The following CDH18 variants were observed in gnomAD, a reference collection of about 807,000 sequenced individuals.
CDH18 encodes the protein cadherin 18, also known as cadherin-18.
A neutral mutation model predicts 67.9 loss-of-function variants in CDH18; 31 were observed. The observed-to-expected ratio is 0.46, with a 90% CI of 0.34 to 0.62. CDH18 has a LOEUF of 0.62. Among genes scored for constraint, CDH18 ranks in the 20% least tolerant of loss-of-function variants. The probability of loss-of-function intolerance (pLI) is 0.01; values close to 1 mark genes in which losing one functional copy is unlikely to be tolerated. For missense variants in CDH18, 890 were observed against 975.5 expected (o/e 0.91, Z 1.17); for synonymous variants, 362 against 347.2 (o/e 1.04, Z -0.48).
At chr5:19,597,586 A>T (rs1024913946) in intron 6 of CDH18, among the ~76,000 whole-genome samples, 1 of 152,134 alleles carries the variant, frequency 6.6e-6, no homozygotes, top group African/African-American at 2.4e-5. Context: ...ATGATTTTAT[A>T]CTTTGATATA....
intron 2 of CDH18, among the ~76,000 whole-genome samples, chr5:20,026,648 T>C (rs1353038228): frequency 6.6e-6 from 1 of 152,136 alleles, no homozygotes; most frequent in Non-Finnish European, 1.5e-5. Flanking sequence ...ACGTGAGCAA[T>C]AAGGTTAACA....
chr5:20,388,679 C>A (rs1316667837), intron 1 of CDH18, among the ~76,000 whole-genome samples: 1 of 152,084 alleles, frequency 6.6e-6, no homozygotes, highest in Non-Finnish European at 1.5e-5. Context: ...TATTTTAGAT[C>A]TTTCCTGCTT....
chr5:19,685,971 C>T (rs777670151), intron 5 of CDH18, among the ~76,000 whole-genome samples: 14 of 152,110 alleles, frequency 9.2e-5, no homozygotes, highest in Non-Finnish European at 1.2e-4. Context: ...GGAAATTTTA[C>T]ATGTGCCAGA....
chr5:20,303,991 G>C, intron 1 of CDH18: 1 of 972,596 alleles, frequency 1.0e-6, no homozygotes, highest in Non-Finnish European at 1.7e-6. Flanking sequence ...TAAGTCGAAG[G>C]GATGGTGGAA....
At chr5:20,031,245 A>T (rs1308881553) in intron 2 of CDH18, among the ~76,000 whole-genome samples, 1 of 152,140 alleles carries the variant, frequency 6.6e-6, no homozygotes, top group Non-Finnish European at 1.5e-5. Context: ...TTGGATTATT[A>T]TGATGAATTT....
intron 7 of CDH18, among the ~76,000 whole-genome samples, chr5:19,585,135 A>C (rs888098905): frequency 6.6e-6 from 1 of 152,216 alleles, no homozygotes; most frequent in Non-Finnish European, 1.5e-5. Context: ...GTGTATATGC[A>C]CCAAATAGAA....
At chr5:19,670,260 G>A (rs1038898822) in intron 5 of CDH18, among the ~76,000 whole-genome samples, 3 of 151,968 alleles carry the variant, frequency 2.0e-5, no homozygotes, top group African/African-American at 7.3e-5. Flanking sequence ...ACGATTCAAT[G>A]GCATAAGGTA....
chr5:19,641,635 A>T (rs559938998), intron 5 of CDH18, among the ~76,000 whole-genome samples: 1 of 152,038 alleles, frequency 6.6e-6, no homozygotes, highest in Non-Finnish European at 1.5e-5. Flanking sequence ...TTTATTAATC[A>T]GTAAAATTCT....
intron 5 of CDH18, among the ~76,000 whole-genome samples, chr5:19,655,203 T>C (rs1378867991): frequency 6.6e-6 from 1 of 152,196 alleles, no homozygotes; most frequent in Non-Finnish European, 1.5e-5. Flanking sequence ...TATATGTATA[T>C]GCATACCACA....
At chr5:20,114,378 A>C (rs1472464230) in intron 2 of CDH18, among the ~76,000 whole-genome samples, 5 of 152,178 alleles carry the variant, frequency 3.3e-5, no homozygotes, top group Non-Finnish European at 7.3e-5. Context: ...CTGAACCCTG[A>C]GACCCGATAA....
At chr5:19,723,547 G>A (rs1561150385) in intron 4 of CDH18, among the ~76,000 whole-genome samples, 1 of 152,074 alleles carries the variant, frequency 6.6e-6, no homozygotes, top group Admixed American at 6.5e-5. Flanking sequence ...TCAAATTACA[G>A]ACCAATCAAA....
chr5:20,139,873 C>G (rs554883675), intron 2 of CDH18, among the ~76,000 whole-genome samples: 1 of 152,280 alleles, frequency 6.6e-6, no homozygotes, highest in African/African-American at 2.4e-5. Context: ...GTTGGTGGGA[C>G]TGTAAACTAG....
At chr5:20,002,756 T>A (rs1218236097) in intron 2 of CDH18, among the ~76,000 whole-genome samples, 1 of 152,150 alleles carries the variant, frequency 6.6e-6, no homozygotes, top group Non-Finnish European at 1.5e-5. Flanking sequence ...CCTACTTCTC[T>A]GAAAAGCAAA....
intron 8 of CDH18, among the ~76,000 whole-genome samples, chr5:19,544,731 G>A (rs753532983): frequency 6.6e-6 from 1 of 152,070 alleles, no homozygotes; most frequent in Non-Finnish European, 1.5e-5. Context: ...ATGTTTCCTT[G>A]TGTCCTATGC....
chr5:19,530,568 T>G (rs1748438887), intron 9 of CDH18, among the ~76,000 whole-genome samples: 2 of 152,248 alleles, frequency 1.3e-5, no homozygotes, highest in South Asian at 4.2e-4. Flanking sequence ...TATCTCCCAG[T>G]GCTATCCCTC....
In CDH18 at chr5:20,390,518, G is replaced by C. The variant is rs1051360189; in HGVS notation, c.-579-135013C>G. 9.2e-5 allele frequency among the ~76,000 whole-genome samples: 14 copies of C among 152,246 alleles called. No individual in the cohort carries two copies. The East Asian group carries it at 2.5e-3, about 27-fold the overall frequency. On this transcript the variant is annotated intron_variant, in intron 1 of 14. Transcript: ENST00000507958. ...TGCTGGAGAGGATGTGGAGAAATAG[G>C]AACACTTTTACACTGTTGGTGGGAC...
intron 2 of CDH18, among the ~76,000 whole-genome samples, chr5:20,136,165 T>C (rs1013115637): frequency 4.6e-5 from 7 of 152,194 alleles, no homozygotes; most frequent in Non-Finnish European, 8.8e-5. Flanking sequence ...TTCTGTCTCA[T>C]TGATCTGTCT....
chr5:20,543,545 T>C (rs747564315), intron 1 of CDH18, among the ~76,000 whole-genome samples: 6 of 152,114 alleles, frequency 3.9e-5, no homozygotes, highest in African/African-American at 4.8e-5. Flanking sequence ...ATTTCTGAGA[T>C]TGGCCAGAAT....
In CDH18 at chr5:19,711,369, T is replaced by C. The variant is rs538791080; in HGVS notation, c.643+9978A>G. Among the ~76,000 whole-genome samples the C allele has an allele frequency of 3.9e-5, 6 of 152,006 alleles. No individual in the cohort carries two copies. In the South Asian group the frequency reaches 1.0e-3, roughly 26 times the overall value. On this transcript the variant is annotated intron_variant, in intron 5 of 12. Coordinates refer to ENST00000382275, the MANE Select transcript of CDH18 (RefSeq NM_004934.5). ...TGACAAGAGACTAATATCCAGAATC[T>C]ACAACGAATGCATACAACTCATAAA...
Sources: gnomAD v4.1 joint callset for allele counts (sites outside exome capture counted in the v4.1 genomes callset) on GRCh38, gnomAD v4.1.1 for gene constraint, MANE v1.5 for transcripts, NCBI Gene and HGNC (gene_info 2026-07-23, HGNC 2026-07-21) for gene names.